The following FRAS1 variants were observed in gnomAD, a reference collection of about 807,000 sequenced individuals.
The protein encoded by FRAS1 is Fraser extracellular matrix complex subunit 1.
Under a neutral mutation model 435.2 loss-of-function variants are expected in FRAS1, and 290 were observed. The observed-to-expected ratio is 0.67, with a 90% CI of 0.61 to 0.73. The LOEUF is 0.73. Among genes scored for constraint, FRAS1 ranks in the 30% least tolerant of loss-of-function variants. The pLI is 0.00. For missense variants in FRAS1, 4,860 were observed against 5,001.5 expected (o/e 0.97, Z 0.85); for synonymous variants, 1,800 against 1,851.0 (o/e 0.97, Z 0.71).
intron 20 of FRAS1, among the ~76,000 whole-genome samples, chr4:78,360,478 A>G (rs1032275053): frequency 6.6e-6 from 1 of 152,156 alleles, no homozygotes; most frequent in Non-Finnish European, 1.5e-5. Flanking sequence ...GAGATAGGGG[A>G]AAACAGGTGG....
chr4:78,520,255 TG>T (rs1163793823), intron 67 of FRAS1, among the ~76,000 whole-genome samples: 2 of 104,940 alleles, frequency 1.9e-5, no homozygotes, highest in South Asian at 2.5e-4. Context: ...TTGTTTTTCT[TG>T]TTTTTTTTTT....
intron 27 of FRAS1, among the ~76,000 whole-genome samples, chr4:78,383,770 A>C (rs1161841449): frequency 6.6e-6 from 1 of 152,188 alleles, no homozygotes. Context: ...TTGGCCTGAC[A>C]ACTAATTTTT....
At chr4:78,278,623 G>T in intron 9 of FRAS1, 32 bp from the exon 10 acceptor site, 2 of 1,235,372 alleles carry the variant, frequency 1.6e-6, no homozygotes, top group South Asian at 2.4e-5. Flanking sequence ...ATGTTAATTT[G>T]ATATGTGCCA....
In FRAS1 at chr4:78,333,279, C is replaced by T; in HGVS notation, c.2145C>T (p.His715=). 1 of 1,605,682 alleles carries T rather than the reference C, an allele frequency of 6.2e-7. No homozygotes were observed. The highest frequency in any genetic ancestry group is 2.2e-5 in the East Asian group (1 of 44,522). The change falls in exon 19 of 74, where the codon CAC becomes CAT. Residue 715 remains histidine (H), a synonymous_variant. Transcript: ENST00000512123. Reference sequence around the variant, plus strand: ...GCTTTATCTTTCCCCCAGCTTGCCACCAGTCCTGTTTCAGATGTGCAGGGA... The same window carrying T: ...GCTTTATCTTTCCCCCAGCTTGCCATCAGTCCTGTTTCAGATGTGCAGGGA... The part of the protein sequence containing the change: ...LESTGICEAC[H]QSCFRCAGKS...
At chr4:78,150,252 TA>T (rs1720589301) in intron 2 of FRAS1, among the ~76,000 whole-genome samples, 1 of 152,172 alleles carries the variant, frequency 6.6e-6, no homozygotes, top group African/African-American at 2.4e-5. Flanking sequence ...GCAAGAGTGC[TA>T]AATTTTGGAC....
At chr4:78,218,199 TCTCTTGGA>T (rs1321298960) in intron 2 of FRAS1, among the ~76,000 whole-genome samples, 1 of 148,940 alleles carries the variant, frequency 6.7e-6, no homozygotes, top group Non-Finnish European at 1.5e-5. Flanking sequence ...TGGTTTCTCC[TCTCTTGGA>T]CTCTTAAGAA....
intron 3 of FRAS1, among the ~76,000 whole-genome samples, chr4:78,241,190 T>G (rs1724988256): frequency 2.6e-5 from 4 of 152,210 alleles, no homozygotes; most frequent in Admixed American, 2.0e-4. Flanking sequence ...ACATTACATC[T>G]GAGAGGTTTC....
chr4:78,092,001 GA>G (rs1381398740), intron 2 of FRAS1, among the ~76,000 whole-genome samples: 1 of 133,364 alleles, frequency 7.5e-6, no homozygotes, highest in African/African-American at 2.9e-5. Context: ...AAAAAAAAAG[GA>G]AAAAAACAAA....
intron 4 of FRAS1, among the ~76,000 whole-genome samples, chr4:78,252,148 A>G (rs1040106146): frequency 1.3e-5 from 2 of 152,120 alleles, no homozygotes; most frequent in African/African-American, 2.4e-5. Flanking sequence ...TGTATTTACA[A>G]ATTTTCTGAA....
At chr4:78,380,072 CTCT>C in intron 27 of FRAS1, 76 bp downstream of exon 27, 1 of 1,499,622 alleles carries the variant, frequency 6.7e-7, no homozygotes, top group Admixed American at 2.1e-5. Context: ...CTGTCCCAGC[CTCT>C]CTGTCTCAAT....
At chr4:78,270,085 T>G (rs1726574974) in intron 9 of FRAS1, among the ~76,000 whole-genome samples, 1 of 152,200 alleles carries the variant, frequency 6.6e-6, no homozygotes, top group African/African-American at 2.4e-5. Context: ...ATTTGTTTGT[T>G]TCTGAAAGCA....
chr4:78,537,296 GAT>G, intron 72 of FRAS1, 96 bp downstream of exon 72: 1 of 1,128,652 alleles, frequency 8.9e-7, no homozygotes, highest in South Asian at 1.5e-5. Context: ...GCTCACTCTT[GAT>G]ATTTTCTTCT....
chr4:78,358,934 T>C (rs447200), intron 20 of FRAS1, among the ~76,000 whole-genome samples: 99,362 of 151,770 alleles, frequency 0.65, 33,172 homozygotes, highest in African/African-American at 0.7. Context: ...CACATTTAAT[T>C]TAATCTAATC....
At chr4:78,311,488 C>G (rs1426321605) in intron 15 of FRAS1, among the ~76,000 whole-genome samples, 1 of 152,162 alleles carries the variant, frequency 6.6e-6, no homozygotes, top group African/African-American at 2.4e-5. Context: ...GTTGGACTCC[C>G]TCCTTTTTCT....
intron 4 of FRAS1, among the ~76,000 whole-genome samples, chr4:78,248,231 C>T (rs1158126752): frequency 1.3e-5 from 2 of 152,214 alleles, no homozygotes; most frequent in Admixed American, 6.5e-5. Flanking sequence ...CTATGACCTT[C>T]GCAAAGCTAT....
At position 78,481,861 on chromosome 4, in the gene FRAS1, T is replaced by C. The variant is rs772620022; in HGVS notation, c.8501T>C (p.Val2834Ala). Residue 2834 changes from valine (V) to alanine (A), a missense_variant, in exon 57 of 74, where the codon GTC (valine) becomes GCC (alanine). Val to Ala is a moderately conservative substitution (Grantham distance 64). Coordinates refer to ENST00000512123, the MANE Select transcript of FRAS1 (RefSeq NM_025074.7). ...HGTDLSTFAS[V>A]WCATRPSDPA... ...ACTGACCTCTCTACTTTCGCATCTGTCTGGTGTGCAACGCGGCCCTCAGAC... is the reference window on the plus strand; with the variant it reads ...ACTGACCTCTCTACTTTCGCATCTGCCTGGTGTGCAACGCGGCCCTCAGAC... The C allele has an allele frequency of 3.1e-6, 5 of 1,613,928 alleles. No homozygotes were observed. Among genetic ancestry groups the C allele is most frequent in the Non-Finnish European group, 2.5e-6 (3 of 1,179,834 alleles).
At chr4:78,325,950 A>G (rs1462520989) in intron 18 of FRAS1, among the ~76,000 whole-genome samples, 2 of 152,356 alleles carry the variant, frequency 1.3e-5, no homozygotes, top group East Asian at 1.9e-4. Context: ...GGAGAAGTAC[A>G]GCGTGTTTGG....
At position 78,266,852 on chromosome 4, in the gene FRAS1, GA is replaced by G; in HGVS notation, c.710del (p.Asn237MetfsTer23). The G allele has an allele frequency of 6.2e-7, 1 of 1,603,582 alleles. No homozygotes were observed. The part of the protein sequence containing the change: ...QVYEHGEQWS[E>X]NACTTCICDR... Reference sequence around the variant, plus strand: ...CATGCAGCATGGTGAGCAGTGGAGCGAAAATGCCTGCACCACGTGTATATGT... The same window carrying G: ...CATGCAGCATGGTGAGCAGTGGAGCGAAATGCCTGCACCACGTGTATATGT... On this transcript the variant is annotated frameshift_variant, in exon 8 of 74. Transcript: ENST00000512123. LOFTEE classifies it high-confidence loss of function.
In FRAS1 at chr4:78,315,625, C is replaced by T. The variant is rs17003124; in HGVS notation, c.1710C>T (p.Pro570=). Residue 570 remains proline (P), a synonymous_variant, in exon 16 of 74, where the codon CCC becomes CCT. Coordinates refer to ENST00000512123, the MANE Select transcript of FRAS1 (RefSeq NM_025074.7). ...ACDQSCDSCG[P]SSPRCLTCTE... ...ACCAATCCTGTGACAGTTGTGGCCC[C>T]AGTAGCCCCAGGTGTCTTACCTGTA... 3,458 of 1,613,092 alleles carry T rather than the reference C, an allele frequency of 2.1e-3. 36 individuals carry two copies. In the African/African-American group the frequency reaches 0.024, roughly 11 times the overall value.
Sources: allele counts gnomAD v4.1 joint callset (sites outside exome capture counted in the v4.1 genomes callset), GRCh38; gene constraint gnomAD v4.1.1; transcripts MANE v1.5; gene names NCBI Gene and HGNC (gene_info 2026-07-23, HGNC 2026-07-21).